P3H2: variants seen among roughly 807,000 people sequenced by gnomAD.
P3H2 encodes the protein prolyl 3-hydroxylase 2.
Under a neutral mutation model 87.0 loss-of-function variants are expected in P3H2, and 80 were observed. That is an observed-to-expected ratio of 0.92 (90% CI 0.77 to 1.11). P3H2 has a LOEUF of 1.11. P3H2 is among the 50% of genes least tolerant of loss of function. The pLI is 0.00. For synonymous variants in P3H2, 367 were observed against 359.3 expected (o/e 1.02, Z -0.24); for missense variants, 1,001 against 923.9 (o/e 1.08, Z -1.08).
intron 3 of P3H2, among the ~76,000 whole-genome samples, chr3:189,989,531 G>A (rs1203114315): frequency 2.6e-5 from 4 of 152,008 alleles, no homozygotes; most frequent in Non-Finnish European, 5.9e-5. Context: ...AAGCAAAAGT[G>A]CTCTTTTTCT....
intron 1 of P3H2, among the ~76,000 whole-genome samples, chr3:190,057,583 A>G (rs11708422): frequency 0.29 from 44,271 of 151,906 alleles, 6,595 homozygotes; most frequent in Middle Eastern, 0.36. Flanking sequence ...TTTCATATAG[A>G]TTTCTATTTG....
At chr3:190,079,042 T>G (rs1364683196) in intron 1 of P3H2, among the ~76,000 whole-genome samples, 7 of 152,052 alleles carry the variant, frequency 4.6e-5, no homozygotes, top group Non-Finnish European at 8.8e-5. Context: ...ATTCTATGAC[T>G]TAATAATCCA....
chr3:189,972,240 A>G (rs1486237138), intron 11 of P3H2, among the ~76,000 whole-genome samples: 1 of 152,250 alleles, frequency 6.6e-6, no homozygotes, highest in Non-Finnish European at 1.5e-5. Flanking sequence ...CAGCTATAAA[A>G]GTTATTTCTG....
At chr3:190,053,765 T>C (rs973694375) in intron 1 of P3H2, among the ~76,000 whole-genome samples, 1 of 152,126 alleles carries the variant, frequency 6.6e-6, no homozygotes, top group African/African-American at 2.4e-5. Flanking sequence ...GCCAAAAGTG[T>C]CTTTTGAAGA....
intron 1 of P3H2, among the ~76,000 whole-genome samples, chr3:190,035,574 T>C (rs2108950420): frequency 6.6e-6 from 1 of 152,318 alleles, no homozygotes. Context: ...CTACCAGCTA[T>C]GATGTATATA....
chr3:190,101,425 A>C (rs1711623280), intron 1 of P3H2, among the ~76,000 whole-genome samples: 1 of 150,666 alleles, frequency 6.6e-6, no homozygotes, highest in Non-Finnish European at 1.5e-5. Context: ...GTGCTACTAC[A>C]GTGAACACAT....
chr3:189,959,731 G>A (rs1015203407), intron 14 of P3H2, among the ~76,000 whole-genome samples: 1 of 151,890 alleles, frequency 6.6e-6, no homozygotes, highest in Non-Finnish European at 1.5e-5. Context: ...AGGTGCAGCT[G>A]GTCTACCTCC....
chr3:190,017,499 C>T (rs1056439708), intron 1 of P3H2, among the ~76,000 whole-genome samples: 2 of 152,162 alleles, frequency 1.3e-5, no homozygotes, highest in Non-Finnish European at 2.9e-5. Flanking sequence ...TATTTGACTC[C>T]TGACAATAAC....
At chr3:189,988,370 A>G (rs927873801) in intron 4 of P3H2, among the ~76,000 whole-genome samples, 1 of 126,924 alleles carries the variant, frequency 7.9e-6, no homozygotes, top group Non-Finnish European at 1.7e-5. Context: ...GGAAATTTAC[A>G]ATATACGTAT....
chr3:190,010,698 C>A (rs1228199995), intron 1 of P3H2, among the ~76,000 whole-genome samples: 1 of 152,196 alleles, frequency 6.6e-6, no homozygotes, highest in African/African-American at 2.4e-5. Context: ...GCTGTTTAAC[C>A]TACCCAGTCT....
At chr3:190,073,637 T>G (rs112231137) in intron 1 of P3H2, among the ~76,000 whole-genome samples, 39 of 152,282 alleles carry the variant, frequency 2.6e-4, no homozygotes, top group African/African-American at 8.4e-4. Flanking sequence ...TGGTCAAGGA[T>G]CATAGGCTGA....
intron 1 of P3H2, among the ~76,000 whole-genome samples, chr3:190,045,515 AAGAG>A (rs1302898723): frequency 2.0e-5 from 3 of 152,114 alleles, no homozygotes; most frequent in Non-Finnish European, 2.9e-5. Context: ...GTATGACAGA[AAGAG>A]AGAGAGACAT....
intron 1 of P3H2, among the ~76,000 whole-genome samples, chr3:190,083,619 G>A (rs1295808013): frequency 6.6e-6 from 1 of 152,172 alleles, no homozygotes; most frequent in Admixed American, 6.5e-5. Context: ...CAGGCATAAA[G>A]GCAGCTCTAA....
chr3:190,092,803 A>G (rs1246491930), intron 1 of P3H2, among the ~76,000 whole-genome samples: 1 of 152,214 alleles, frequency 6.6e-6, no homozygotes, highest in African/African-American at 2.4e-5. Flanking sequence ...AAGGAAAATA[A>G]TATCCTTCCT....
chr3:190,106,977 T>C (rs1055023299), intron 1 of P3H2, among the ~76,000 whole-genome samples: 6 of 152,196 alleles, frequency 3.9e-5, no homozygotes, highest in African/African-American at 1.4e-4. Context: ...ATAACTATAG[T>C]CATAGAACAT....
chr3:190,015,527 C>G (rs141401355), intron 1 of P3H2, among the ~76,000 whole-genome samples: 2 of 152,144 alleles, frequency 1.3e-5, no homozygotes, highest in East Asian at 3.9e-4. Context: ...GTAGAAATAG[C>G]ACTGACCCAG....
At chr3:190,112,003 G>C (rs1040018309) in intron 1 of P3H2, among the ~76,000 whole-genome samples, 1 of 152,154 alleles carries the variant, frequency 6.6e-6, no homozygotes, top group African/African-American at 2.4e-5. Context: ...ATAATGGGGA[G>C]TGCGATAAAA....
At chr3:189,958,520 A>G (rs1722707027) in intron 14 of P3H2, among the ~76,000 whole-genome samples, 1 of 148,198 alleles carries the variant, frequency 6.7e-6, no homozygotes, top group South Asian at 2.2e-4. Context: ...TTTTGGTCTG[A>G]TTGACATTTT....
chr3:190,118,835 A>G (rs1332768032), intron 1 of P3H2, among the ~76,000 whole-genome samples: 3 of 151,856 alleles, frequency 2.0e-5, no homozygotes, highest in African/African-American at 7.3e-5. Flanking sequence ...GCTCACGCCT[A>G]TAATCCCAGC....
Sources: gnomAD v4.1 joint callset for allele counts (sites outside exome capture counted in the v4.1 genomes callset) on GRCh38, gnomAD v4.1.1 for gene constraint, MANE v1.5 for transcripts, NCBI Gene and HGNC (gene_info 2026-07-23, HGNC 2026-07-21) for gene names.